Variants in EMCN observed in about 807,000 individuals in gnomAD.
EMCN encodes MUC-14.
EMCN carries 37 observed loss-of-function variants against 38.4 expected under a neutral mutation model. The observed-to-expected ratio is 0.96, with a 90% CI of 0.74 to 1.27. The LOEUF (loss-of-function observed/expected upper bound fraction) is 1.27. Among genes scored for constraint, EMCN ranks in the 50% most tolerant of loss-of-function variants. EMCN has a pLI of 0.00. For missense variants in EMCN, 318 were observed against 302.8 expected, an observed-to-expected ratio of 1.05 and a Z score of -0.37; for synonymous variants, 95 against 100.8, an observed-to-expected ratio of 0.94 and a Z score of 0.35.
At chr4:100,473,064 G>A (rs1357159890) in intron 3 of EMCN, among the ~76,000 whole-genome samples, 1 of 146,586 alleles carries the variant, frequency 6.8e-6, no homozygotes, top group Non-Finnish European at 1.5e-5. Flanking sequence ...GCCCAGGCTG[G>A]AATGCAGTGG....
intron 4 of EMCN, among the ~76,000 whole-genome samples, chr4:100,453,907 C>A (rs943364092): frequency 8.6e-5 from 13 of 151,712 alleles, no homozygotes; most frequent in African/African-American, 3.1e-4. Flanking sequence ...TCATTCTCAG[C>A]AAACTATCGC....
chr4:100,502,950 T>TTAAA (rs1729387859), intron 1 of EMCN, among the ~76,000 whole-genome samples: 1 of 152,144 alleles, frequency 6.6e-6, no homozygotes, highest in African/African-American at 2.4e-5. Flanking sequence ...AAGTATCATT[T>TTAAA]TAAACATTTT....
chr4:100,423,385 A>G lies in EMCN; in HGVS notation c.435T>C (p.Asp145=). The change falls in exon 6 of 12, where the codon GAT becomes GAC. Residue 145 remains aspartate, a synonymous_variant. Coordinates refer to ENST00000296420, the MANE Select transcript of EMCN (RefSeq NM_016242.4). ...TEIPGSVLQP[D]ASPSKTGTLT... Reference sequence around the variant, plus strand: ...ATGTACCAGTTTTAGAAGGTGATGCATCTGGTTGTAGAACACTACCTGTAT... The same window carrying G: ...ATGTACCAGTTTTAGAAGGTGATGCGTCTGGTTGTAGAACACTACCTGTAT... 1 of 1,612,542 alleles carries G rather than the reference A, an allele frequency of 6.2e-7. No individual in the cohort carries two copies. Among genetic ancestry groups the G allele is most frequent in the Non-Finnish European group, 8.5e-7 (1 of 1,178,880 alleles).
chr4:100,511,974 G>A (rs919828291), intron 1 of EMCN, among the ~76,000 whole-genome samples: 3 of 152,178 alleles, frequency 2.0e-5, no homozygotes, highest in Non-Finnish European at 4.4e-5. Flanking sequence ...TAATGCTCCT[G>A]CACTTCTAGT....
intron 1 of EMCN, among the ~76,000 whole-genome samples, chr4:100,498,682 T>A (rs1218096485): frequency 6.6e-6 from 1 of 152,126 alleles, no homozygotes; most frequent in East Asian, 1.9e-4. Context: ...CCTCAGGTGA[T>A]CCACCCACCT....
At chr4:100,468,774 T>C (rs1728393135) in intron 3 of EMCN, among the ~76,000 whole-genome samples, 1 of 152,002 alleles carries the variant, frequency 6.6e-6, no homozygotes, top group Non-Finnish European at 1.5e-5. Context: ...ATATCCTATG[T>C]TCATGGATTA....
intron 3 of EMCN, among the ~76,000 whole-genome samples, chr4:100,471,234 T>G (rs1025976549): frequency 3.3e-5 from 5 of 151,894 alleles, no homozygotes; most frequent in Non-Finnish European, 7.4e-5. Flanking sequence ...AGGAGTCAAG[T>G]TATCAAAATT....
intron 1 of EMCN, among the ~76,000 whole-genome samples, chr4:100,503,412 G>A (rs1033704837): frequency 1.3e-5 from 2 of 152,022 alleles, no homozygotes; most frequent in Non-Finnish European, 2.9e-5. Flanking sequence ...GGCACAATTT[G>A]CAGTAGTATT....
intron 8 of EMCN, among the ~76,000 whole-genome samples, chr4:100,419,986 T>G (rs930769178): frequency 1.3e-5 from 2 of 152,116 alleles, no homozygotes; most frequent in Non-Finnish European, 1.5e-5. Flanking sequence ...CAAAGAATAA[T>G]GCAGCTTATA....
intron 5 of EMCN, among the ~76,000 whole-genome samples, chr4:100,440,221 A>AT (rs1727471785): frequency 6.6e-6 from 1 of 151,972 alleles, no homozygotes; most frequent in Non-Finnish European, 1.5e-5. Context: ...TTTTTAAATT[A>AT]TTTTTTATTA....
chr4:100,515,375 T>A (rs547820064), intron 1 of EMCN, among the ~76,000 whole-genome samples: 1 of 152,216 alleles, frequency 6.6e-6, no homozygotes, highest in Non-Finnish European at 1.5e-5. Flanking sequence ...AAACCTTCCA[T>A]ACACATTTCA....
At chr4:100,478,258 C>T (rs1474417085) in intron 2 of EMCN, among the ~76,000 whole-genome samples, 1 of 152,108 alleles carries the variant, frequency 6.6e-6, no homozygotes, top group African/African-American at 2.4e-5. Flanking sequence ...ATCTCTCTTC[C>T]ACCTCGCTCT....
At chr4:100,475,175 G>T in intron 2 of EMCN, 66 bp from the exon 3 acceptor site, 2 of 844,280 alleles carry the variant, frequency 2.4e-6, no homozygotes, top group South Asian at 2.5e-5. Flanking sequence ...AATAAATAAA[G>T]TAAGTTAAAT....
At chr4:100,489,499 A>G (rs1729023233) in intron 1 of EMCN, among the ~76,000 whole-genome samples, 1 of 152,206 alleles carries the variant, frequency 6.6e-6, no homozygotes, top group African/African-American at 2.4e-5. Context: ...AAGATGATAA[A>G]GGAGCTGAAA....
Position 100,516,311 on chromosome 4 carries a change from A to C in EMCN, c.64+1540T>G, listed in dbSNP as rs150217192. On this transcript the variant is annotated intron_variant, in intron 1 of 11. Coordinates refer to ENST00000296420, the MANE Select transcript of EMCN (RefSeq NM_016242.4). ...ACTTCTATTGATGCTATTCCACTTT[A>C]CTTTCGGAAGAACGAATGATCTATT... 3.3e-5 allele frequency among the ~76,000 whole-genome samples: 5 copies of C among 152,154 alleles called. No individual in the cohort carries two copies. In the East Asian group the frequency reaches 9.7e-4, roughly 29 times the overall value.
At chr4:100,412,056 G>T (rs772355890) in intron 10 of EMCN, among the ~76,000 whole-genome samples, 1 of 151,688 alleles carries the variant, frequency 6.6e-6, no homozygotes, top group Non-Finnish European at 1.5e-5. Flanking sequence ...TAGTTAGTTT[G>T]CTAATGACAT....
In EMCN at chr4:100,421,318, C is replaced by T; in HGVS notation, c.628G>A (p.Val210Met). 6.2e-7 allele frequency: 1 copy of T among 1,612,866 alleles called. No homozygotes were observed. Among genetic ancestry groups the T allele is most frequent in the Non-Finnish European group, 8.5e-7 (1 of 1,179,156 alleles). Residue 210 changes from valine to methionine, a missense_variant, in exon 8 of 12, where the codon GTG becomes ATG. Val to Met is a conservative substitution (Grantham distance 21). Coordinates refer to ENST00000296420, the MANE Select transcript of EMCN (RefSeq NM_016242.4). ...TTCCAGCACATTCGGTACAAACCCA[C>T]CAGAACAAATACTGAAAGTGTTATT... is the stretch of plus-strand genomic sequence containing the variant. The part of the protein sequence containing the change: ...IVITLSVFVL[V>M]GLYRMCWKAD...
intron 5 of EMCN, among the ~76,000 whole-genome samples, chr4:100,429,803 C>T (rs1185128908): frequency 6.6e-6 from 1 of 152,038 alleles, no homozygotes; most frequent in Non-Finnish European, 1.5e-5. Context: ...TTATTTTATT[C>T]TTAAGCAAAT....
At chr4:100,427,451 CTCTT>C (rs1727081638) in intron 5 of EMCN, among the ~76,000 whole-genome samples, 1 of 130,966 alleles carries the variant, frequency 7.6e-6, no homozygotes, top group African/African-American at 3.5e-5. Flanking sequence ...TTCTCTCTCT[CTCTT>C]TTTTTTTTTT....
Sources: gnomAD v4.1 joint callset for allele counts (sites outside exome capture counted in the v4.1 genomes callset) on GRCh38, gnomAD v4.1.1 for gene constraint, MANE v1.5 for transcripts, NCBI Gene and HGNC (gene_info 2026-07-23, HGNC 2026-07-21) for gene names.